The following ACAP2 variants were observed in gnomAD, a reference collection of about 807,000 sequenced individuals.
ACAP2 encodes ArfGAP with coiled-coil, ankyrin repeat and PH domains 2.
A neutral mutation model predicts 115.8 loss-of-function variants in ACAP2; 39 were observed. The observed-to-expected ratio is 0.34, with a 90% confidence interval of 0.26 to 0.44. The LOEUF (loss-of-function observed/expected upper bound fraction) is 0.44. ACAP2 is among the 20% of genes least tolerant of loss of function. ACAP2 has a pLI of 1.00. For synonymous variants in ACAP2, 289 were observed against 315.8 expected, an observed-to-expected ratio of 0.92 and a Z score of 0.90; for missense variants, 662 against 927.6, an observed-to-expected ratio of 0.71 and a Z score of 3.72.
At chr3:195,355,929 G>C in intron 4 of ACAP2, 1 of 301,736 alleles carries the variant, frequency 3.3e-6, no homozygotes, top group Non-Finnish European at 6.7e-6. Context: ...ATAGAAACAA[G>C]CTGGAATGGG....
rs1729398825 is a variant in ACAP2, at chr3:195,320,806, G to C, written c.752C>G (p.Ser251Cys). The change falls in exon 10 of 23, where the codon TCC (serine) becomes TGC (cysteine). Residue 251 changes from serine (S) to cysteine (C), a missense_variant. Ser to Cys is a moderately radical substitution (Grantham distance 112). Around this residue, in one of 3 missense-constraint regions of ACAP2, gnomAD observed 401 missense variants for 604.4 expected, o/e 0.66. Transcript: ENST00000326793. The stretch of plus-strand genomic sequence containing the variant: ...ATATTCTAACTTAGAATCATCACTG[G>C]AGAAATCCTACACAAAATAACACAT... ...KHSTIQQKDF[S>C]SDDSKLEYNV... 6.2e-7 allele frequency: 1 copy of C among 1,609,858 alleles called. No individual in the cohort carries two copies. Among genetic ancestry groups the C allele is most frequent in the African/African-American group, 1.3e-5 (1 of 74,932 alleles).
At chr3:195,396,248 T>C (rs181573760) in intron 1 of ACAP2, among the ~76,000 whole-genome samples, 1 of 149,710 alleles carries the variant, frequency 6.7e-6, no homozygotes, top group East Asian at 2.0e-4. Context: ...CAAAACTCCA[T>C]CTCAAAAAAA....
rs1726229052 is a variant in ACAP2, at chr3:195,277,662, A to G, written c.*1666T>C. The stretch of plus-strand genomic sequence containing the variant: ...GGGAAATGTTAGAAAATTTATCTAT[A>G]ATTGGATCATAAAGTTTTTATATAT... On this transcript the variant is annotated 3_prime_UTR_variant, in exon 23 of 23. Coordinates refer to ENST00000326793, the MANE Select transcript of ACAP2 (RefSeq NM_012287.6). 1 of 152,186 alleles carries G rather than the reference A, an allele frequency of 6.6e-6. No homozygotes were observed. The highest frequency in any genetic ancestry group is 1.5e-5 in the Non-Finnish European group (1 of 68,026). The allele number at this position is 152,186 out of a possible 1,614,324, so 9.4% of individuals were successfully genotyped here. A position where few individuals can be genotyped will look rare whatever the true frequency, so the allele number is the denominator to read the frequency against.
chr3:195,370,787 C>G (rs1317672938), intron 4 of ACAP2, among the ~76,000 whole-genome samples: 3 of 152,002 alleles, frequency 2.0e-5, no homozygotes, highest in Non-Finnish European at 4.4e-5. Context: ...CTGTCTTATA[C>G]TAAAAATACA....
At chr3:195,316,554 C>T (rs1047989466) in intron 10 of ACAP2, among the ~76,000 whole-genome samples, 4 of 151,964 alleles carry the variant, frequency 2.6e-5, no homozygotes, top group African/African-American at 4.8e-5. Flanking sequence ...TGCGCCACCA[C>T]GTCCAGCTAA....
intron 1 of ACAP2, among the ~76,000 whole-genome samples, chr3:195,413,949 T>C (rs1713499560): frequency 6.6e-6 from 1 of 150,422 alleles, no homozygotes; most frequent in African/African-American, 2.5e-5. Flanking sequence ...CGCTGCAGCC[T>C]GGGCAACAGA....
rs1461351216 is a variant in ACAP2, at chr3:195,345,281, G to T, written c.322C>A (p.Gln108Lys). 1.2e-5 allele frequency: 19 copies of T among 1,611,362 alleles called. No individual in the cohort carries two copies. The highest frequency in any genetic ancestry group is 1.3e-5 in the Non-Finnish European group (15 of 1,178,050). The change falls in exon 5 of 23, where the codon CAG (glutamine) becomes AAG (lysine). Residue 108 changes from glutamine to lysine, a missense_variant. This residue lies in a region of ACAP2 where 401 missense variants were observed against 604.4 expected (regional missense o/e 0.66). Transcript: ENST00000326793. The stretch of plus-strand genomic sequence containing the variant: ...TACTCTTTAACAAAGTTCTGAAGCT[G>T]TGCCTTAATTGATCTCTGAGTTTGG... ...FDQTQRSIKA[Q>K]LQNFVKEDLR...
chr3:195,300,909 T>TG (rs1728002972), intron 15 of ACAP2, among the ~76,000 whole-genome samples: 1 of 151,850 alleles, frequency 6.6e-6, no homozygotes. Flanking sequence ...GTCAATTGCT[T>TG]GGGGGGTCTG....
intron 14 of ACAP2, 131 bp downstream of exon 14, chr3:195,301,835 T>A (rs1402179927): frequency 1.6e-6 from 2 of 1,259,742 alleles, no homozygotes; most frequent in Non-Finnish European, 2.2e-6. Flanking sequence ...TAACTACTTC[T>A]TAAAAGGTAC....
intron 10 of ACAP2, among the ~76,000 whole-genome samples, chr3:195,314,932 A>G (rs1363417538): frequency 2.0e-5 from 3 of 152,358 alleles, no homozygotes; most frequent in African/African-American, 7.2e-5. Flanking sequence ...CATTTAAAAG[A>G]TTACTCTTCT....
intron 1 of ACAP2, among the ~76,000 whole-genome samples, chr3:195,435,651 G>A (rs1248051165): frequency 6.6e-6 from 1 of 152,036 alleles, no homozygotes. Flanking sequence ...CTACATATTT[G>A]TGAATTTTTC....
intron 22 of ACAP2, chr3:195,280,805 T>C (rs1048148973): frequency 3.3e-5 from 5 of 152,244 alleles, no homozygotes; most frequent in African/African-American, 4.8e-5. Flanking sequence ...CTGCTAAACA[T>C]TAGCCTTATA....
rs1730282143 is a variant in ACAP2, at chr3:195,333,099, A to G, written c.598T>C (p.Leu200=). 6.2e-7 allele frequency: 1 copy of G among 1,608,538 alleles called. No individual in the cohort carries two copies. The highest frequency in any genetic ancestry group is 8.5e-7 in the Non-Finnish European group (1 of 1,177,438). The change falls in exon 8 of 23, where the codon TTG becomes CTG. Residue 200 remains leucine (L), a synonymous_variant. Coordinates refer to ENST00000326793, the MANE Select transcript of ACAP2 (RefSeq NM_012287.6). ...KSMLSFMYAH[L]AFFHQGYDLF... ...TCATATCCTTGATGAAAGAAGGCCA[A>G]ATGGGCATACATAAATGACAACATC... is the stretch of plus-strand genomic sequence containing the variant.
chr3:195,308,987 A>AT, intron 10 of ACAP2, 150 bp from the exon 11 acceptor site: 1 of 677,570 alleles, frequency 1.5e-6, no homozygotes, highest in Non-Finnish European at 2.3e-6. Flanking sequence ...ATATAAACTG[A>AT]TTCTAACATG....
rs1379591204 is a variant in ACAP2 at position 195,401,293 on chromosome 3, A to T, written c.54-9146T>A. Among the ~76,000 whole-genome samples the T allele has an allele frequency of 3.3e-5, 5 of 152,238 alleles. No individual in the cohort carries two copies. In the East Asian group the frequency reaches 9.6e-4, roughly 29 times the overall value. ...CCAAGCATCTTATTAATACATAATA[A>T]AAGTTATTCTGCATTACATCTTCCT... On this transcript the variant is annotated intron_variant, in intron 1 of 22. Transcript: ENST00000326793.
At chr3:195,427,300 T>G (rs1714756130) in intron 1 of ACAP2, among the ~76,000 whole-genome samples, 1 of 152,210 alleles carries the variant, frequency 6.6e-6, no homozygotes, top group South Asian at 2.1e-4. Context: ...GAGATCTGTA[T>G]CAAAACTGTG....
intron 4 of ACAP2, among the ~76,000 whole-genome samples, chr3:195,362,354 AC>A (rs1466185495): frequency 6.6e-6 from 1 of 151,944 alleles, no homozygotes; most frequent in Non-Finnish European, 1.5e-5. Flanking sequence ...GCAAAGAAAA[AC>A]CTGAGACCAG....
Position 195,291,823 on chromosome 3 carries a change from GA to G in ACAP2, c.1954-9del, listed in dbSNP as rs1261081315. ...ACACGTCACCAAAGAGCCCTTAAAG[GA>G]AAAAAGAGGATAACTATAGACAAAA... On this transcript the variant is annotated splice_polypyrimidine_tract_variant and intron_variant, in intron 19 of 22. Coordinates refer to ENST00000326793, the MANE Select transcript of ACAP2 (RefSeq NM_012287.6). 1.3e-6 allele frequency: 2 copies of G among 1,591,406 alleles called. No individual in the cohort carries two copies. The highest frequency in any genetic ancestry group is 4.5e-5 in the East Asian group (2 of 44,634).
At chr3:195,282,476 T>G (rs1048691264) in intron 22 of ACAP2, 3 of 152,260 alleles carry the variant, frequency 2.0e-5, no homozygotes, top group African/African-American at 7.2e-5. Context: ...CAAAATGTGT[T>G]GTCAAAAGCA....
Sources: allele counts gnomAD v4.1 joint callset (sites outside exome capture counted in the v4.1 genomes callset), GRCh38; gene constraint gnomAD v4.1.1; regional missense constraint gnomAD v4.1.1; transcripts MANE v1.5; gene names NCBI Gene and HGNC (gene_info 2026-07-23, HGNC 2026-07-21).